Variants in TRAK1 observed in about 807,000 individuals in gnomAD.
The protein encoded by TRAK1 is trafficking kinesin-binding protein 1.
In TRAK1, 33 loss-of-function variants were observed where a neutral mutation model predicts 92.1. The observed-to-expected ratio is 0.36, with a 90% CI of 0.27 to 0.48. The LOEUF is 0.48. TRAK1 is among the 20% of genes least tolerant of loss of function. The pLI, the probability that TRAK1 is intolerant of heterozygous loss-of-function variation, is 0.99. For missense variants in TRAK1, 1,123 were observed against 1,257.9 expected (o/e 0.89, Z 1.62); for synonymous variants, 521 against 517.3 (o/e 1.01, Z -0.10).
In TRAK1 at chr3:42,191,625, T is replaced by G; in HGVS notation, c.758T>G (p.Val253Gly). Residue 253 changes from valine to glycine, a missense_variant, in exon 7 of 16, where the codon GTG becomes GGG. Coordinates refer to ENST00000327628, the MANE Select transcript of TRAK1 (RefSeq NM_001042646.3). ...GAGCAGCAGCTGGTCAATGACTGCG[T>G]GAAGGAGCTGAGTATGTCCCCGCAC... Reference protein sequence around the residue: ...EKEQQLVNDCVKELRDANVQI... With the variant: ...EKEQQLVNDCGKELRDANVQI... 2.5e-6 allele frequency: 4 copies of G among 1,601,368 alleles called. No homozygotes were observed. Among genetic ancestry groups the G allele is most frequent in the Non-Finnish European group, 3.4e-6 (4 of 1,173,812 alleles).
At chr3:42,183,207 TGTTACTA>T (rs1704253052) in intron 3 of TRAK1, among the ~76,000 whole-genome samples, 2 of 152,220 alleles carry the variant, frequency 1.3e-5, no homozygotes, top group African/African-American at 4.8e-5. Flanking sequence ...TGTCGGTTGC[TGTTACTA>T]AAATGGTTTC....
At chr3:42,126,827 A>T (rs558408613) in intron 2 of TRAK1, among the ~76,000 whole-genome samples, 2 of 152,332 alleles carry the variant, frequency 1.3e-5, no homozygotes, top group East Asian at 3.9e-4. Flanking sequence ...TTTAGGGTGT[A>T]TCTAGGGATG....
intron 1 of TRAK1, among the ~76,000 whole-genome samples, chr3:42,068,067 G>T (rs1703757110): frequency 1.3e-5 from 2 of 151,928 alleles, no homozygotes; most frequent in Admixed American, 1.3e-4. Context: ...GGCTGAGGCG[G>T]AAGATCCCTT....
chr3:42,207,742 C>T (rs556774759), intron 13 of TRAK1, among the ~76,000 whole-genome samples: 3 of 152,300 alleles, frequency 2.0e-5, no homozygotes, highest in South Asian at 2.1e-4. Flanking sequence ...TGCGAAGCCC[C>T]GGCGTTGTTT....
intron 14 of TRAK1, 197 bp from the exon 15 acceptor site, chr3:42,219,297 A>G (rs1477652797): frequency 4.4e-5 from 43 of 984,810 alleles, no homozygotes; most frequent in Non-Finnish European, 4.9e-5. Context: ...GGTGCTCTGC[A>G]GACCAGTGCT....
intron 2 of TRAK1, among the ~76,000 whole-genome samples, chr3:42,159,520 C>T (rs1701001836): frequency 6.6e-6 from 1 of 152,162 alleles, no homozygotes; most frequent in Non-Finnish European, 1.5e-5. Context: ...TTTCTGCAGG[C>T]AACTTTGCAA....
intron 2 of TRAK1, among the ~76,000 whole-genome samples, chr3:42,175,060 C>T (rs1404811051): frequency 6.6e-6 from 1 of 151,936 alleles, no homozygotes; most frequent in East Asian, 1.9e-4. Context: ...AAAAGGTAGC[C>T]CAGTTTTCTT....
chr3:42,140,906 C>T (rs907609328), intron 2 of TRAK1, among the ~76,000 whole-genome samples: 7 of 152,074 alleles, frequency 4.6e-5, no homozygotes, highest in East Asian at 1.9e-4. Flanking sequence ...GTTGGGACCT[C>T]GGAGGGCTCT....
intron 1 of TRAK1, among the ~76,000 whole-genome samples, chr3:42,035,156 A>G (rs1048296065): frequency 1.3e-5 from 2 of 152,038 alleles, no homozygotes; most frequent in African/African-American, 2.4e-5. Flanking sequence ...GCATTCTTTG[A>G]CCTTTGACAT....
intron 2 of TRAK1, chr3:42,149,545 T>C: frequency 6.5e-7 from 1 of 1,536,126 alleles, no homozygotes; most frequent in Non-Finnish European, 8.7e-7. Context: ...TATGCAGAAA[T>C]TTATCGAAGC....
At chr3:42,062,910 C>G (rs1249989153) in intron 1 of TRAK1, among the ~76,000 whole-genome samples, 2 of 152,180 alleles carry the variant, frequency 1.3e-5, no homozygotes, top group East Asian at 3.9e-4. Context: ...ACTGCACTTT[C>G]ACCTGTATTA....
intron 1 of TRAK1, among the ~76,000 whole-genome samples, chr3:42,056,281 G>A (rs967352435): frequency 2.6e-5 from 4 of 152,088 alleles, no homozygotes; most frequent in Admixed American, 2.0e-4. Context: ...AAGTGGCTGC[G>A]CTATTTTACA....
At chr3:42,172,325 G>C (rs535233165) in intron 2 of TRAK1, among the ~76,000 whole-genome samples, 2 of 152,262 alleles carry the variant, frequency 1.3e-5, no homozygotes, top group South Asian at 2.1e-4. Flanking sequence ...TGCCCATCTT[G>C]AAAGGGGACA....
Position 42,223,780 on chromosome 3 carries a change from TC to T in TRAK1, c.*45del, listed in dbSNP as rs1710586545. On this transcript the variant is annotated 3_prime_UTR_variant, in exon 16 of 16. Transcript: ENST00000327628. This position sits in a 1 kb window ranked among gnomAD's most constrained non-coding sequence, Gnocchi z 6.1. ...GTTGCCCTAGAGGAGACCCACGTTCTCCTCTCTTGCTCCCACCTCCCTCTCT... is the reference window on the plus strand; with the variant it reads ...GTTGCCCTAGAGGAGACCCACGTTCTCTCTCTTGCTCCCACCTCCCTCTCT... 1.4e-6 allele frequency: 1 copy of T among 723,058 alleles called. No individual in the cohort carries two copies. Among genetic ancestry groups the T allele is most frequent in the South Asian group, 2.1e-5 (1 of 48,060 alleles). The allele number at this position is 723,058 out of a possible 1,614,324, so 44.8% of individuals were successfully genotyped here. A position where few individuals can be genotyped will look rare whatever the true frequency, so the allele number is the denominator to read the frequency against.
intron 1 of TRAK1, among the ~76,000 whole-genome samples, chr3:42,104,512 C>G (rs889947577): frequency 1.3e-5 from 2 of 152,144 alleles, no homozygotes; most frequent in African/African-American, 4.8e-5. Flanking sequence ...GAGGAAGGAT[C>G]AGGCAGCAAC....
At chr3:42,083,747 C>T (rs891730219), upstream of TRAK1, among the ~76,000 whole-genome samples, 13 of 151,924 alleles carry the variant, frequency 8.6e-5, no homozygotes, top group African/African-American at 2.2e-4. Flanking sequence ...TGGTGGTGTG[C>T]GCCTGTAGTC....
rs141300538 is a variant in TRAK1, at chr3:42,071,765, C to T, written c.-518-15339C>T. Among the ~76,000 whole-genome samples the T allele has an allele frequency of 2.1e-3, 319 of 151,988 alleles. 3 individuals are homozygous for T. The highest frequency in any genetic ancestry group is 0.018 in the South Asian group (87 of 4,798). On this transcript the variant is annotated intron_variant, in intron 1 of 16. Coordinates refer to the TRAK1 transcript ENST00000487159. ...CCCTTTTCTTTCTCCCCCAGAGACCCCCTGCCATTCAGAGTGATGACACAT... is the reference window on the plus strand; with the variant it reads ...CCCTTTTCTTTCTCCCCCAGAGACCTCCTGCCATTCAGAGTGATGACACAT...
intron 1 of TRAK1, among the ~76,000 whole-genome samples, chr3:42,055,817 A>C (rs996086273): frequency 6.6e-6 from 1 of 152,156 alleles, no homozygotes; most frequent in African/African-American, 2.4e-5. Flanking sequence ...CCCTGTATCC[A>C]TTAGCAGTTA....
chr3:42,046,339 A>T (rs894284606), intron 1 of TRAK1, among the ~76,000 whole-genome samples: 40 of 69,512 alleles, frequency 5.8e-4, no homozygotes, highest in Admixed American at 3.1e-3. Context: ...GAGAACATTT[A>T]AAAAAAAAAA....
Sources: gnomAD v4.1 joint callset for allele counts (sites outside exome capture counted in the v4.1 genomes callset) on GRCh38, gnomAD v4.1.1 for gene constraint, Gnocchi (gnomAD v3.1) non-coding constraint, MANE v1.5 for transcripts, NCBI Gene and HGNC (gene_info 2026-07-23, HGNC 2026-07-21) for gene names.